The following C3orf33 variants were observed in gnomAD, a reference collection of about 807,000 sequenced individuals.
C3orf33 encodes AP-1 activity suppressor.
Under a neutral mutation model 28.7 loss-of-function variants are expected in C3orf33, and 23 were observed. That is an observed-to-expected ratio of 0.80 (90% CI 0.58 to 1.13). C3orf33 has a LOEUF of 1.13. Among genes scored for constraint, C3orf33 ranks in the 50% most tolerant of loss-of-function variants. The pLI is 0.00. For synonymous variants in C3orf33, 119 were observed against 120.5 expected, an observed-to-expected ratio of 0.99 and a Z score of 0.08; for missense variants, 327 against 353.4, an observed-to-expected ratio of 0.93 and a Z score of 0.60.
chr3:155,790,437 G>A (rs570271202), intron 2 of C3orf33, among the ~76,000 whole-genome samples: 1 of 152,050 alleles, frequency 6.6e-6, no homozygotes, highest in South Asian at 2.1e-4. Flanking sequence ...GAAAAACAGG[G>A]CAGAGAAAAA....
intron 2 of C3orf33, among the ~76,000 whole-genome samples, chr3:155,799,753 G>A (rs777966659): frequency 4.6e-5 from 7 of 152,092 alleles, no homozygotes; most frequent in Non-Finnish European, 7.4e-5. Context: ...AAACAGAACT[G>A]TTGTTTCCAA....
chr3:155,773,970 T>A (rs911538854), intron 3 of C3orf33, among the ~76,000 whole-genome samples: 8 of 152,184 alleles, frequency 5.3e-5, no homozygotes, highest in Admixed American at 5.2e-4. Context: ...TGGTATCAAG[T>A]ATGTTTGGGG....
chr3:155,803,448 C>G (rs1226741431), intron 1 of C3orf33, among the ~76,000 whole-genome samples: 1 of 150,766 alleles, frequency 6.6e-6, no homozygotes, highest in Non-Finnish European at 1.5e-5. Context: ...GCCTGTAGTC[C>G]CAGCTACTCA....
rs1034186752 is a variant in C3orf33 at position 155,806,143 on chromosome 3, A to C, written c.110T>G (p.Val37Gly). The C allele has an allele frequency of 6.2e-5, 90 of 1,461,154 alleles. No homozygotes were observed. Among genetic ancestry groups the C allele is most frequent in the Admixed American group, 2.9e-4 (14 of 48,146 alleles). The allele number at this position is 1,461,154 out of a possible 1,614,324, so 90.5% of individuals were successfully genotyped here. ...SQWADDHLRL[V>G]RNISTGMAIA... ...CAGACTGCGTGGCCCCAGTACCCGG[A>C]CTAGGCGCAGGTGGTCGTCTGCCCA... Residue 37 changes from valine to glycine, a missense_variant, in exon 1 of 5, where the codon GTC becomes GGC. Physicochemically the swap from Val to Gly is moderately radical, Grantham distance 109. Coordinates refer to ENST00000340171, the MANE Select transcript of C3orf33 (RefSeq NM_001308229.2).
intron 2 of C3orf33, among the ~76,000 whole-genome samples, chr3:155,783,884 A>G (rs1234796435): frequency 1.3e-5 from 2 of 151,892 alleles, no homozygotes; most frequent in Non-Finnish European, 2.9e-5. Context: ...TATTTTAAAA[A>G]TTATTAGTTT....
Position 155,793,584 on chromosome 3 carries a change from C to A in C3orf33, c.174+8948G>T, listed in dbSNP as rs201599695. Among the ~76,000 whole-genome samples, 3 of 151,636 alleles carry A rather than the reference C, an allele frequency of 2.0e-5. No homozygotes were observed. In the East Asian group the frequency reaches 5.8e-4, roughly 29 times the overall value. The stretch of plus-strand genomic sequence containing the variant: ...CAGCACTTTGGGAGGCCGAGGAGGG[C>A]AGATAACTGAAGGTTAGGGGTCCAA... On this transcript the variant is annotated intron_variant, in intron 2 of 4. Transcript: ENST00000340171.
chr3:155,775,760 T>C lies in C3orf33; in HGVS notation c.263A>G (p.Glu88Gly). Residue 88 changes from glutamate (E) to glycine (G), a missense_variant, in exon 3 of 5, where the codon GAG (glutamate) becomes GGG (glycine). Transcript: ENST00000340171. ...KLRGRLRRIT[E>G]NGLEIEHIPI... ...TATATGTTCAATTTCTAAACCATTCTCAGTTATTCGGCGTAATCGTCCACG... is the reference window on the plus strand; with the variant it reads ...TATATGTTCAATTTCTAAACCATTCCCAGTTATTCGGCGTAATCGTCCACG... 1.3e-6 allele frequency: 2 copies of C among 1,593,542 alleles called. No individual in the cohort carries two copies. Among genetic ancestry groups the C allele is most frequent in the Non-Finnish European group, 1.7e-6 (2 of 1,162,824 alleles).
Position 155,775,852 on chromosome 3 carries a change from T to C in C3orf33, c.175-4A>G, listed in dbSNP as rs749041434. The C allele has an allele frequency of 9.5e-6, 15 of 1,576,476 alleles. No individual in the cohort carries two copies. The highest frequency in any genetic ancestry group is 9.5e-6 in the Non-Finnish European group (11 of 1,153,706). On this transcript the variant is annotated splice_region_variant and splice_polypyrimidine_tract_variant and intron_variant, in intron 2 of 4. Transcript: ENST00000340171. The stretch of plus-strand genomic sequence containing the variant: ...AAGAGCTTGTAAATTTTGATGTCTA[T>C]TGATTTACAGGGAGAAAAATATAAC...
intron 2 of C3orf33, among the ~76,000 whole-genome samples, chr3:155,776,797 A>G (rs1750764168): frequency 6.7e-6 from 1 of 148,798 alleles, no homozygotes; most frequent in Admixed American, 6.7e-5. Context: ...ATAAATTAGT[A>G]CCCAACTTCC....
chr3:155,793,062 A>G (rs1046110519), intron 2 of C3orf33, among the ~76,000 whole-genome samples: 1 of 152,222 alleles, frequency 6.6e-6, no homozygotes, highest in African/African-American at 2.4e-5. Context: ...AAGGATAAAA[A>G]GAATCCTAAA....
intron 2 of C3orf33, among the ~76,000 whole-genome samples, chr3:155,780,328 G>A (rs533402717): frequency 6.6e-6 from 1 of 152,144 alleles, no homozygotes; most frequent in Non-Finnish European, 1.5e-5. Flanking sequence ...GAAAATAAGG[G>A]TTTCAAATTC....
chr3:155,799,217 C>A (rs1455465038), intron 2 of C3orf33, among the ~76,000 whole-genome samples: 1 of 152,118 alleles, frequency 6.6e-6, no homozygotes, highest in Non-Finnish European at 1.5e-5. Context: ...TTGGAGGCCC[C>A]ACAAAAAACT....
At chr3:155,787,370 G>T (rs1751153934) in intron 2 of C3orf33, among the ~76,000 whole-genome samples, 1 of 120,678 alleles carries the variant, frequency 8.3e-6, no homozygotes, top group Admixed American at 9.6e-5. Flanking sequence ...TTTTTTTGGA[G>T]ACAGAGTCTT....
chr3:155,803,999 A>C, intron 1 of C3orf33: 1 of 231,660 alleles, frequency 4.3e-6, no homozygotes, highest in Non-Finnish European at 8.7e-6. Flanking sequence ...AACATGGTGA[A>C]ACCCCATCTC....
At chr3:155,774,793 C>T (rs1224460536) in intron 3 of C3orf33, among the ~76,000 whole-genome samples, 1 of 151,484 alleles carries the variant, frequency 6.6e-6, no homozygotes, top group Non-Finnish European at 1.5e-5. Context: ...TGTCTTACAC[C>T]CTTCCTCCCT....
intron 2 of C3orf33, among the ~76,000 whole-genome samples, chr3:155,788,980 T>A (rs1751230983): frequency 6.6e-6 from 1 of 152,166 alleles, no homozygotes; most frequent in African/African-American, 2.4e-5. Flanking sequence ...AGTAAAAGAA[T>A]ACAAAGTTAA....
intron 2 of C3orf33, among the ~76,000 whole-genome samples, chr3:155,778,448 G>C (rs1195415323): frequency 6.6e-6 from 1 of 152,158 alleles, no homozygotes; most frequent in African/African-American, 2.4e-5. Flanking sequence ...AACTTGCTTT[G>C]AATTGGTTTC....
intron 2 of C3orf33, among the ~76,000 whole-genome samples, chr3:155,793,836 A>AAAAAAAC (rs1751394183): frequency 7.0e-6 from 1 of 143,828 alleles, no homozygotes; most frequent in Non-Finnish European, 1.5e-5. Flanking sequence ...AACTAAAAAA[A>AAAAAAAC]CTAAAAAAAC....
At chr3:155,773,949 A>G (rs1158550047) in intron 3 of C3orf33, among the ~76,000 whole-genome samples, 2 of 152,218 alleles carry the variant, frequency 1.3e-5, no homozygotes, top group African/African-American at 4.8e-5. Context: ...TTGGTTTATT[A>G]AAAGAATTAA....
Sources: gnomAD v4.1 joint callset for allele counts (sites outside exome capture counted in the v4.1 genomes callset) on GRCh38, gnomAD v4.1.1 for gene constraint, MANE v1.5 for transcripts, NCBI Gene and HGNC (gene_info 2026-07-23, HGNC 2026-07-21) for gene names.